Variants in CD82 observed in about 807,000 individuals in gnomAD.
The protein encoded by CD82 is CD82 antigen.
A neutral mutation model predicts 37.4 loss-of-function variants in CD82; 36 were observed. That is an observed-to-expected ratio of 0.96 (90% confidence interval 0.74 to 1.27). The LOEUF (loss-of-function observed/expected upper bound fraction) is 1.27, where lower values mean the gene tolerates loss of function less well. CD82 is among the 50% of genes most tolerant of loss of function. CD82 has a pLI of 0.00. For missense variants in CD82, 340 were observed against 347.0 expected (o/e 0.98, Z 0.16); for synonymous variants, 158 against 137.4 (o/e 1.15, Z -1.05).
chr11:44,596,191 A>G (rs1191215628), intron 3 of CD82, among the ~76,000 whole-genome samples: 5 of 152,174 alleles, frequency 3.3e-5, no homozygotes, highest in Non-Finnish European at 7.3e-5. Flanking sequence ...GGGCTTCCCC[A>G]GCTTGGCGGT....
chr11:44,570,613 G>T (rs1365105742), intron 1 of CD82, among the ~76,000 whole-genome samples: 2 of 152,242 alleles, frequency 1.3e-5, no homozygotes, highest in Non-Finnish European at 2.9e-5. Flanking sequence ...GGTGCTTCAG[G>T]CCTGTGGGCC....
intron 1 of CD82, among the ~76,000 whole-genome samples, chr11:44,583,729 TA>T (rs1853013629): frequency 6.6e-6 from 1 of 152,206 alleles, no homozygotes; most frequent in South Asian, 2.1e-4. Context: ...CTCTATCTGT[TA>T]AATGGGGATA....
chr11:44,564,623 T>A, upstream of CD82: 1 of 406,484 alleles, frequency 2.5e-6, no homozygotes, highest in South Asian at 1.7e-5. Context: ...CACTTTTTCT[T>A]CAGGGAGAAA....
At position 44,619,127 on chromosome 11, in the gene CD82, G is replaced by A. The variant is rs780577629; in HGVS notation, c.*1G>A. 3 of 1,612,670 alleles carry A rather than the reference G, an allele frequency of 1.9e-6. No homozygotes were observed. Among genetic ancestry groups the A allele is most frequent in the African/African-American group, 2.7e-5 (2 of 74,754 alleles). On this transcript the variant is annotated 3_prime_UTR_variant, in exon 10 of 10. Coordinates refer to ENST00000227155, the MANE Select transcript of CD82 (RefSeq NM_002231.4). The stretch of plus-strand genomic sequence containing the variant: ...CTACAGCAAGGTCCCCAAGTACTGA[G>A]GCAGCTGCTATCCCCATCTCCCTGC...
At position 44,615,319 on chromosome 11, in the gene CD82, C is replaced by T. The variant is rs757975489; in HGVS notation, c.384C>T (p.Tyr128=). Residue 128 remains tyrosine (Y), a synonymous_variant, in exon 7 of 10, where the codon TAC becomes TAT. Transcript: ENST00000227155. ...GGIVTELIRD[Y]NSSREDSLQD... ...TCGTGACTGAGCTCATTCGAGACTA[C>T]AACAGCAGTCGCGAGGACAGCCTGC... The T allele has an allele frequency of 3.1e-6, 5 of 1,613,776 alleles. No homozygotes were observed. The highest frequency in any genetic ancestry group is 1.1e-5 in the South Asian group (1 of 91,088).
intron 1 of CD82, among the ~76,000 whole-genome samples, chr11:44,574,053 G>A (rs1264993443): frequency 1.3e-5 from 2 of 152,154 alleles, no homozygotes; most frequent in Non-Finnish European, 2.9e-5. Context: ...TCCCTGATCT[G>A]GAGTGAGGGA....
At chr11:44,576,727 A>G (rs1055064668) in intron 1 of CD82, among the ~76,000 whole-genome samples, 3 of 152,202 alleles carry the variant, frequency 2.0e-5, no homozygotes, top group Non-Finnish European at 4.4e-5. Context: ...ATGATCCCTT[A>G]TGCTTTACAG....
chr11:44,598,873 G>A (rs1590341220), intron 3 of CD82, among the ~76,000 whole-genome samples: 1 of 152,238 alleles, frequency 6.6e-6, no homozygotes, highest in Non-Finnish European at 1.5e-5. Flanking sequence ...TGTGATACAG[G>A]TGGGAGTTTC....
At chr11:44,592,369 A>AG (rs1853158016) in intron 2 of CD82, among the ~76,000 whole-genome samples, 1 of 152,204 alleles carries the variant, frequency 6.6e-6, no homozygotes, top group Admixed American at 6.5e-5. Context: ...CTTCTGGTGA[A>AG]GGGGTGGCCT....
At chr11:44,587,331 G>T in intron 1 of CD82, 144 bp from the exon 2 acceptor site, 1 of 422,228 alleles carries the variant, frequency 2.4e-6, no homozygotes, top group South Asian at 1.7e-5. Flanking sequence ...GAGCCTGTGG[G>T]GGGAAGAGGA....
chr11:44,580,696 G>A (rs1852967964), intron 1 of CD82, among the ~76,000 whole-genome samples: 1 of 152,188 alleles, frequency 6.6e-6, no homozygotes, highest in Admixed American at 6.5e-5. Flanking sequence ...CTGGGTGACA[G>A]AGTGAGACTC....
At chr11:44,608,734 C>T (rs1394537051) in intron 6 of CD82, among the ~76,000 whole-genome samples, 1 of 152,274 alleles carries the variant, frequency 6.6e-6, no homozygotes, top group Non-Finnish European at 1.5e-5. Flanking sequence ...TGGCCTTTGC[C>T]TGCCCCATTC....
chr11:44,605,176 G>A lies in CD82; in HGVS notation c.255G>A (p.Leu85=). 5.6e-6 allele frequency: 9 copies of A among 1,613,958 alleles called. No individual in the cohort carries two copies. Among genetic ancestry groups the A allele is most frequent in the East Asian group, 4.5e-5 (2 of 44,872 alleles). The change falls in exon 5 of 10, where the codon CTG becomes CTA. Residue 85 remains leucine, a synonymous_variant. Transcript: ENST00000227155. The part of the protein sequence containing the change: ...IGAVNEVRCL[L]GLYFAFLLLI... ...CCGTCAACGAGGTCCGCTGCCTGCTGGGGCTGGTGAGTACGGATCCCTCCG... is the reference window on the plus strand; with the variant it reads ...CCGTCAACGAGGTCCGCTGCCTGCTAGGGCTGGTGAGTACGGATCCCTCCG...
Position 44,600,216 on chromosome 11 carries a change from T to C in CD82, c.122T>C (p.Phe41Ser), listed in dbSNP as rs1000615015. ...TGGATCCTGGCCGACAAGAGCAGTTTCATCTCTGTCCTGCGTAAGGACCCC... is the reference window on the plus strand; with the variant it reads ...TGGATCCTGGCCGACAAGAGCAGTTCCATCTCTGTCCTGCGTAAGGACCCC... Reference protein sequence around the residue: ...GVWILADKSSFISVLQTSSSS... With the variant: ...GVWILADKSSSISVLQTSSSS... Residue 41 changes from phenylalanine to serine, a missense_variant, in exon 4 of 10, where the codon TTC becomes TCC. Transcript: ENST00000227155. 1 of 1,614,112 alleles carries C rather than the reference T, an allele frequency of 6.2e-7. No individual in the cohort carries two copies. The highest frequency in any genetic ancestry group is 1.3e-5 in the African/African-American group (1 of 75,046).
At chr11:44,564,996 T>C (rs912933983), upstream of CD82, among the ~76,000 whole-genome samples, 5 of 152,180 alleles carry the variant, frequency 3.3e-5, no homozygotes, top group Non-Finnish European at 7.4e-5. Context: ...ATTCAATCAA[T>C]GGTAGTCAGT....
rs1853644456 is a variant in CD82 at position 44,620,187 on chromosome 11, G to A, written c.*1061G>A. On this transcript the variant is annotated 3_prime_UTR_variant, in exon 10 of 10. Coordinates refer to ENST00000227155, the MANE Select transcript of CD82 (RefSeq NM_002231.4). ...GGCCAGGGGCGGGGAGGAGGAGGAT[G>A]GCTTCTCCTGGGAGAAGGTGGGCTG... is the stretch of plus-strand genomic sequence containing the variant. 6.6e-6 allele frequency: 1 copy of A among 151,852 alleles called. No individual in the cohort carries two copies. Among genetic ancestry groups the A allele is most frequent in the Non-Finnish European group, 1.5e-5 (1 of 68,186 alleles). 9.4% of individuals were successfully genotyped at this position (151,852 alleles called of 1,614,324 possible).
chr11:44,577,265 T>C (rs1467763318), intron 1 of CD82, among the ~76,000 whole-genome samples: 2 of 152,150 alleles, frequency 1.3e-5, no homozygotes, highest in Non-Finnish European at 2.9e-5. Flanking sequence ...TCCTCTAAAA[T>C]GTATCATGCA....
chr11:44,585,120 G>A (rs1853034570), intron 1 of CD82: 1 of 450,816 alleles, frequency 2.2e-6, no homozygotes, highest in Non-Finnish European at 4.5e-6. Flanking sequence ...AGGCAGCCCA[G>A]CCTGGTCCTA....
chr11:44,614,950 A>G (rs1301681581), intron 6 of CD82, among the ~76,000 whole-genome samples: 1 of 152,166 alleles, frequency 6.6e-6, no homozygotes, highest in African/African-American at 2.4e-5. Flanking sequence ...CAAGTGGTGT[A>G]GGACCTCCTA....
Sources: allele counts gnomAD v4.1 joint callset (sites outside exome capture counted in the v4.1 genomes callset), GRCh38; gene constraint gnomAD v4.1.1; transcripts MANE v1.5; gene names NCBI Gene and HGNC (gene_info 2026-07-23, HGNC 2026-07-21).